AFG1L: variants seen among roughly 807,000 people sequenced by gnomAD.
AFG1L encodes AFG1-like ATPase.
AFG1L carries 53 observed loss-of-function variants against 62.2 expected under a neutral mutation model. The ratio of observed to expected loss-of-function variants is 0.85; its 90% CI spans 0.68 to 1.07. The LOEUF is 1.07. Among genes scored for constraint, AFG1L ranks in the 50% least tolerant of loss-of-function variants. The probability of loss-of-function intolerance (pLI) is 0.00; values close to 1 mark genes in which losing one functional copy is unlikely to be tolerated. For synonymous variants in AFG1L, 228 were observed against 210.3 expected, an observed-to-expected ratio of 1.08 and a Z score of -0.73; for missense variants, 555 against 590.5, an observed-to-expected ratio of 0.94 and a Z score of 0.62.
Position 108,295,088 on chromosome 6 carries a change from C to T in AFG1L, c.9C>T (p.Ala3=), listed in dbSNP as rs1388032015. 1 of 1,611,136 alleles carries T rather than the reference C, an allele frequency of 6.2e-7. No homozygotes were observed. The highest frequency in any genetic ancestry group is 8.5e-7 in the Non-Finnish European group (1 of 1,180,004). Residue 3 remains alanine, a synonymous_variant, in exon 1 of 13, where the codon GCC becomes GCT. Transcript: ENST00000368977. MA[A]SWSLLVTLRP... is the part of the protein sequence containing the mutation. ...CTCGTACGGAGTTCAAGATGGCGGC[C>T]TCCTGGTCGCTCTTGGTTACCCTGC...
intron 8 of AFG1L, among the ~76,000 whole-genome samples, chr6:108,465,163 C>T (rs957380625): frequency 1.1e-4 from 17 of 152,114 alleles, no homozygotes; most frequent in Admixed American, 7.2e-4. Flanking sequence ...CAAAGCTGAA[C>T]GGGATATTTT....
rs1777380395 is a variant in AFG1L, at chr6:108,310,935, T to C, written c.140-12890T>C. Among the ~76,000 whole-genome samples, 5 of 152,308 alleles carry C rather than the reference T, an allele frequency of 3.3e-5. No homozygotes were observed. The South Asian group carries it at 1.0e-3, about 32-fold the overall frequency. On this transcript the variant is annotated intron_variant, in intron 1 of 12. Coordinates refer to ENST00000368977, the MANE Select transcript of AFG1L (RefSeq NM_145315.5). ...TGTAACGGTGAATGGGATCCTTTTT[T>C]TTCTATTGTATTTTCCAACTGGTTA...
intron 6 of AFG1L, among the ~76,000 whole-genome samples, chr6:108,373,952 C>CA (rs1230194871): frequency 6.6e-6 from 1 of 152,176 alleles, no homozygotes; most frequent in Non-Finnish European, 1.5e-5. Context: ...TACATTCCCA[C>CA]CAATGGTGTA....
chr6:108,309,032 C>T (rs1421334290), intron 1 of AFG1L, among the ~76,000 whole-genome samples: 1 of 152,080 alleles, frequency 6.6e-6, no homozygotes, highest in Non-Finnish European at 1.5e-5. Context: ...TTAATGTAGT[C>T]CAATTTAGCA....
At chr6:108,310,625 A>G (rs1287008246) in intron 1 of AFG1L, among the ~76,000 whole-genome samples, 2 of 138,048 alleles carry the variant, frequency 1.4e-5, no homozygotes, top group East Asian at 2.1e-4. Flanking sequence ...CCTAGGCTGG[A>G]GTACAGTGGG....
chr6:108,458,970 T>C (rs1206735909), intron 8 of AFG1L, among the ~76,000 whole-genome samples: 1 of 152,190 alleles, frequency 6.6e-6, no homozygotes, highest in East Asian at 1.9e-4. Context: ...CCAGAGTGCC[T>C]TTATTCTAGG....
At chr6:108,299,732 G>A (rs941277242) in intron 1 of AFG1L, among the ~76,000 whole-genome samples, 3 of 152,154 alleles carry the variant, frequency 2.0e-5, no homozygotes, top group Admixed American at 2.0e-4. Context: ...GCGGCCAGGA[G>A]TTTGAGACAA....
intron 2 of AFG1L, among the ~76,000 whole-genome samples, chr6:108,328,778 G>C (rs1778158314): frequency 6.6e-6 from 1 of 151,910 alleles, no homozygotes; most frequent in African/African-American, 2.4e-5. Flanking sequence ...TAACTTATTT[G>C]GTTGCCAATT....
intron 1 of AFG1L, among the ~76,000 whole-genome samples, chr6:108,310,506 T>C (rs1014566563): frequency 1.3e-5 from 2 of 152,144 alleles, no homozygotes; most frequent in African/African-American, 2.4e-5. Flanking sequence ...ATATTCTGGA[T>C]GCAGATTCCT....
intron 7 of AFG1L, among the ~76,000 whole-genome samples, chr6:108,416,017 A>G (rs1770250018): frequency 3.9e-5 from 6 of 152,146 alleles, no homozygotes; most frequent in South Asian, 2.1e-4. Context: ...TTTGCAATCT[A>G]CTCATCTGAC....
intron 12 of AFG1L, 118 bp downstream of exon 12, chr6:108,519,928 T>G: frequency 1.8e-6 from 1 of 567,116 alleles, no homozygotes. Context: ...GATTGGCGCT[T>G]CTTCTATAAG....
intron 6 of AFG1L, among the ~76,000 whole-genome samples, chr6:108,374,673 T>G (rs989881042): frequency 6.6e-6 from 1 of 152,128 alleles, no homozygotes; most frequent in African/African-American, 2.4e-5. Flanking sequence ...GTTCCTTATT[T>G]CATTCCATTG....
At chr6:108,426,301 G>T (rs1304557254) in intron 7 of AFG1L, among the ~76,000 whole-genome samples, 1 of 152,028 alleles carries the variant, frequency 6.6e-6, no homozygotes, top group Non-Finnish European at 1.5e-5. Context: ...TAAATTTACT[G>T]GATGTTGAAA....
At chr6:108,449,106 C>T (rs1164234339) in intron 8 of AFG1L, among the ~76,000 whole-genome samples, 1 of 151,330 alleles carries the variant, frequency 6.6e-6, no homozygotes, top group Non-Finnish European at 1.5e-5. Flanking sequence ...TGTGATCATA[C>T]CACTGTACTT....
chr6:108,397,011 T>G (rs983330537), intron 6 of AFG1L, among the ~76,000 whole-genome samples: 2 of 152,036 alleles, frequency 1.3e-5, no homozygotes, highest in African/African-American at 4.8e-5. Context: ...TACTAGGCCT[T>G]TTTCATTCAT....
At chr6:108,494,207 C>T (rs1377471324) in intron 10 of AFG1L, among the ~76,000 whole-genome samples, 1 of 151,962 alleles carries the variant, frequency 6.6e-6, no homozygotes, top group Non-Finnish European at 1.5e-5. Flanking sequence ...GAGTCCAGCA[C>T]GGTGCTTTTC....
chr6:108,443,041 C>T (rs1771614440), intron 7 of AFG1L, among the ~76,000 whole-genome samples: 1 of 152,198 alleles, frequency 6.6e-6, no homozygotes, highest in South Asian at 2.1e-4. Context: ...CCAGATATTG[C>T]TGTTCTGATT....
At chr6:108,424,269 A>G (rs1725224465) in intron 7 of AFG1L, among the ~76,000 whole-genome samples, 1 of 152,088 alleles carries the variant, frequency 6.6e-6, no homozygotes, top group Non-Finnish European at 1.5e-5. Context: ...TCATGAAGCT[A>G]TTTATTTTCA....
At chr6:108,328,200 A>G (rs911464334) in intron 2 of AFG1L, among the ~76,000 whole-genome samples, 1 of 152,238 alleles carries the variant, frequency 6.6e-6, no homozygotes, top group African/African-American at 2.4e-5. Flanking sequence ...AAACTATAAC[A>G]TATAAAACTA....
Sources: allele counts gnomAD v4.1 joint callset (sites outside exome capture counted in the v4.1 genomes callset), GRCh38; gene constraint gnomAD v4.1.1; transcripts MANE v1.5; gene names NCBI Gene and HGNC (gene_info 2026-07-23, HGNC 2026-07-21).